The following CAPN7 variants were observed in gnomAD, a reference collection of about 807,000 sequenced individuals.
CAPN7 encodes the protein calpain 7, also known as calpain-7.
CAPN7 carries 72 observed loss-of-function variants against 115.2 expected under a neutral mutation model. The observed-to-expected ratio is 0.63, with a 90% confidence interval of 0.52 to 0.76. CAPN7 has a LOEUF of 0.76. CAPN7 is among the 30% of genes least tolerant of loss of function. The pLI is 0.00. For missense variants in CAPN7, 905 were observed against 971.5 expected (o/e 0.93, Z 0.91); for synonymous variants, 344 against 322.3 (o/e 1.07, Z -0.72).
intron 10 of CAPN7, 39 bp downstream of exon 10, chr3:15,232,704 C>T: frequency 6.5e-7 from 1 of 1,537,520 alleles, no homozygotes; most frequent in East Asian, 2.3e-5. Context: ...CAGATTTAAG[C>T]TATCTAATAT....
intron 19 of CAPN7, 94 bp downstream of exon 19, chr3:15,247,551 G>T: frequency 1.1e-6 from 1 of 949,864 alleles, no homozygotes; most frequent in East Asian, 2.7e-5. Context: ...AAGCATATAT[G>T]GACATTGGAT....
chr3:15,252,487 C>T lies in CAPN7; in HGVS notation c.*1227C>T, dbSNP rs916245922. 6.6e-6 allele frequency: 1 copy of T among 152,242 alleles called. No individual in the cohort carries two copies. The highest frequency in any genetic ancestry group is 1.5e-5 in the Non-Finnish European group (1 of 67,996). 9.4% of individuals were successfully genotyped at this position (152,242 alleles called of 1,614,324 possible). A position where few individuals can be genotyped will look rare whatever the true frequency, so the allele number is the denominator to read the frequency against. Reference sequence around the variant, plus strand: ...AATACTTCATGCTTTCAGTTTTAGCCTATTAATTTTAGGTGGACAAATTTA... The same window carrying T: ...AATACTTCATGCTTTCAGTTTTAGCTTATTAATTTTAGGTGGACAAATTTA... On this transcript the variant is annotated 3_prime_UTR_variant, in exon 21 of 21. Coordinates refer to ENST00000253693, the MANE Select transcript of CAPN7 (RefSeq NM_014296.3).
chr3:15,219,348 C>T (rs895953108), intron 4 of CAPN7, among the ~76,000 whole-genome samples: 1 of 152,170 alleles, frequency 6.6e-6, no homozygotes, highest in Non-Finnish European at 1.5e-5. Flanking sequence ...GAATTATCTC[C>T]TTTTGAGGCT....
chr3:15,223,457 T>A lies in CAPN7; in HGVS notation c.639-18T>A, dbSNP rs756110533. 3 of 1,526,776 alleles carry A rather than the reference T, an allele frequency of 2.0e-6. No individual in the cohort carries two copies. Among genetic ancestry groups the A allele is most frequent in the Non-Finnish European group, 2.7e-6 (3 of 1,102,110 alleles). The allele number at this position is 1,526,776 out of a possible 1,614,324, so 94.6% of individuals were successfully genotyped here. ...AAGGTAAACTTGAACATTTAGGTTT[T>A]TTTCTCGTGTTTGATAGGACAACAT... is the stretch of plus-strand genomic sequence containing the variant. On this transcript the variant is annotated intron_variant, in intron 5 of 20. Coordinates refer to ENST00000253693, the MANE Select transcript of CAPN7 (RefSeq NM_014296.3).
intron 6 of CAPN7, among the ~76,000 whole-genome samples, chr3:15,227,109 TAAAAA>T (rs61571165): frequency 1.6e-5 from 2 of 128,268 alleles, no homozygotes; most frequent in Admixed American, 7.9e-5. Context: ...CCTCAACTGT[TAAAAA>T]AAAAAAAAAA....
chr3:15,233,121 C>T (rs62242095), intron 10 of CAPN7, among the ~76,000 whole-genome samples: 1 of 152,164 alleles, frequency 6.6e-6, no homozygotes. Flanking sequence ...TAAATTCTTA[C>T]AATAACCAGC....
chr3:15,234,190 C>A (rs868065868), intron 11 of CAPN7, among the ~76,000 whole-genome samples: 1 of 152,102 alleles, frequency 6.6e-6, no homozygotes, highest in Non-Finnish European at 1.5e-5. Context: ...GTGGCAGGCA[C>A]CTGTAATCCC....
Position 15,251,110 on chromosome 3 carries a change from A to G in CAPN7, c.2298-6A>G. On this transcript the variant is annotated splice_polypyrimidine_tract_variant and splice_region_variant and intron_variant, in intron 20 of 20. Transcript: ENST00000253693. ...TAAACCTTATTCTCATTTTCTCTAA[A>G]TATAGGTGTGGGTTTTGCTACCTGG... The G allele has an allele frequency of 1.2e-6, 2 of 1,604,474 alleles. No individual in the cohort carries two copies. The highest frequency in any genetic ancestry group is 1.7e-6 in the Non-Finnish European group (2 of 1,175,134).
intron 11 of CAPN7, among the ~76,000 whole-genome samples, chr3:15,234,662 A>G (rs1694884077): frequency 6.6e-6 from 1 of 152,210 alleles, no homozygotes; most frequent in Non-Finnish European, 1.5e-5. Flanking sequence ...AAACAGTGAT[A>G]CACATTCGGT....
intron 5 of CAPN7, among the ~76,000 whole-genome samples, chr3:15,222,606 T>C (rs1456858135): frequency 6.6e-6 from 1 of 152,202 alleles, no homozygotes; most frequent in African/African-American, 2.4e-5. Flanking sequence ...CACAGCACAA[T>C]ACAGGACAAA....
rs1225493053 is a variant in CAPN7 at position 15,223,561 on chromosome 3, G to A, written c.725G>A (p.Cys242Tyr). 6.3e-6 allele frequency: 10 copies of A among 1,577,302 alleles called. No homozygotes were observed. The East Asian group carries it at 2.3e-4, about 36-fold the overall frequency. ...CGTTTTGCCTATCCAATGCCTTTCT[G>A]GTAAGTAAGCACTGTTGCAATTTTT... ...RERFAYPMPF[C>Y]DRWGKLPLSP... is the part of the protein sequence containing the mutation. Residue 242 changes from cysteine (C) to tyrosine (Y), a missense_variant and splice_region_variant, in exon 6 of 21, where the codon TGT (cysteine) becomes TAT (tyrosine). By Grantham distance (194) the Cys-to-Tyr change is radical. Coordinates refer to ENST00000253693, the MANE Select transcript of CAPN7 (RefSeq NM_014296.3).
At chr3:15,248,098 C>T (rs1387611132) in intron 19 of CAPN7, among the ~76,000 whole-genome samples, 2 of 151,806 alleles carry the variant, frequency 1.3e-5, no homozygotes, top group South Asian at 2.1e-4. Context: ...GTGGGTGCAG[C>T]GCACCAGCAT....
intron 19 of CAPN7, among the ~76,000 whole-genome samples, chr3:15,249,774 C>T (rs546970680): frequency 2.6e-4 from 38 of 144,074 alleles, no homozygotes; most frequent in African/African-American, 7.9e-4. Flanking sequence ...TTTTTTTTTT[C>T]TTTTTTTTTT....
chr3:15,210,416 A>G (rs528608077), intron 1 of CAPN7, among the ~76,000 whole-genome samples: 300 of 152,220 alleles, frequency 2.0e-3, no homozygotes, highest in African/African-American at 6.8e-3. Flanking sequence ...TGTAGTTACA[A>G]TGTATTTAGA....
intron 2 of CAPN7, among the ~76,000 whole-genome samples, chr3:15,216,831 C>T (rs1241955536): frequency 1.3e-5 from 2 of 152,094 alleles, no homozygotes; most frequent in Non-Finnish European, 2.9e-5. Flanking sequence ...GAGAGAAATT[C>T]AGGGAAAGAA....
At chr3:15,215,754 G>T (rs2045214714) in intron 2 of CAPN7, among the ~76,000 whole-genome samples, 1 of 151,574 alleles carries the variant, frequency 6.6e-6, no homozygotes, top group South Asian at 2.1e-4. Context: ...GGAGACATTT[G>T]GGTTGTTTAC....
Position 15,251,322 on chromosome 3 carries a change from G to A in CAPN7, c.*62G>A, listed in dbSNP as rs144857249. ...AAACATCAGTTCTTCAAATAAGGACGCAAATCTTCAGGACAGTAAGCAGAA... is the reference window on the plus strand; with the variant it reads ...AAACATCAGTTCTTCAAATAAGGACACAAATCTTCAGGACAGTAAGCAGAA... On this transcript the variant is annotated 3_prime_UTR_variant, in exon 21 of 21. Coordinates refer to ENST00000253693, the MANE Select transcript of CAPN7 (RefSeq NM_014296.3). The A allele has an allele frequency of 2.2e-5, 29 of 1,347,122 alleles. No homozygotes were observed. The East Asian group carries it at 3.0e-4, about 14-fold the overall frequency. The allele number at this position is 1,347,122 out of a possible 1,614,324, so 83.4% of individuals were successfully genotyped here.
intron 14 of CAPN7, 83 bp downstream of exon 14, chr3:15,240,936 G>A: frequency 1.2e-6 from 1 of 853,394 alleles, no homozygotes; most frequent in South Asian, 1.5e-5. Context: ...CAGGCGCAGT[G>A]GCTCATGCCT....
chr3:15,206,839 C>T (rs890530837), intron 1 of CAPN7, among the ~76,000 whole-genome samples: 1 of 152,262 alleles, frequency 6.6e-6, no homozygotes, highest in African/African-American at 2.4e-5. Flanking sequence ...TCCTGACTGG[C>T]AAATGCCCAC....
Sources: allele counts gnomAD v4.1 joint callset (sites outside exome capture counted in the v4.1 genomes callset), GRCh38; gene constraint gnomAD v4.1.1; transcripts MANE v1.5; gene names NCBI Gene and HGNC (gene_info 2026-07-23, HGNC 2026-07-21).